The following ATAD3C variants were observed in gnomAD, a reference collection of about 807,000 sequenced individuals.
ATAD3C encodes ATPase family AAA domain-containing protein 3C.
ATAD3C carries 38 observed loss-of-function variants against 46.3 expected under a neutral mutation model. That is an observed-to-expected ratio of 0.82 (90% CI 0.63 to 1.08). ATAD3C has a LOEUF of 1.08. ATAD3C is among the 50% of genes least tolerant of loss of function. The pLI is 0.00. For missense variants in ATAD3C, 563 were observed against 572.7 expected (o/e 0.98, Z 0.17); for synonymous variants, 220 against 236.4 (o/e 0.93, Z 0.63).
chr1:1,451,470 C>T (rs2100471257), intron 1 of ATAD3C, among the ~76,000 whole-genome samples: 1 of 152,130 alleles, frequency 6.6e-6, no homozygotes, highest in Non-Finnish European at 1.5e-5. Flanking sequence ...CCTCAGCCTC[C>T]CAAGTCGCTG....
In ATAD3C at chr1:1,459,737, TTGTG is replaced by T. The variant is rs1481666282; in HGVS notation, c.812+509_812+512del. On this transcript the variant is annotated intron_variant, in intron 9 of 11. Coordinates refer to ENST00000378785, the MANE Select transcript of ATAD3C (RefSeq NM_001039211.3). This position sits in a 1 kb window ranked among gnomAD's most constrained non-coding sequence, Gnocchi z 4.9. ...CTCCAGGCTTGGGGCCCACCCGACT[TTGTG>T]TGGCCTCTGTGGGCTGCCGCCCAGA... Among the ~76,000 whole-genome samples the T allele has an allele frequency of 2.6e-5, 4 of 151,924 alleles. No individual in the cohort carries two copies. Among genetic ancestry groups the T allele is most frequent in the Non-Finnish European group, 2.9e-5 (2 of 67,954 alleles).
Position 1,450,255 on chromosome 1 carries a change from GTA to G in ATAD3C, c.-428_-427del, listed in dbSNP as rs1360714879. The G allele has an allele frequency of 6.2e-6, 1 of 161,204 alleles. No homozygotes were observed. Among genetic ancestry groups the G allele is most frequent in the Non-Finnish European group, 1.3e-5 (1 of 74,080 alleles). The allele number at this position is 161,204 out of a possible 1,614,324, so 10.0% of individuals were successfully genotyped here. ...CAGGAGAGTGACGTGAACCCGAGAG[GTA>G]GAGCTTGCAGTAAGCAGAGATCATG... On this transcript the variant is annotated 5_prime_UTR_variant, in exon 1 of 12. Transcript: ENST00000378785.
In ATAD3C at chr1:1,455,817, C is replaced by G; in HGVS notation, c.465C>G (p.Asp155Glu). ...LSPSLEARVRDIAIMTRNIKK... is the reference protein window; with the variant it reads ...LSPSLEARVREIAIMTRNIKK... ...CCAGCCTGGAAGCACGGGTGCGCGACATCGCCATAATGACAAGGAACATCA... is the reference window on the plus strand; with the variant it reads ...CCAGCCTGGAAGCACGGGTGCGCGAGATCGCCATAATGACAAGGAACATCA... The change falls in exon 6 of 12, where the codon GAC becomes GAG. Residue 155 changes from aspartate (D) to glutamate (E), a missense_variant. Coordinates refer to ENST00000378785, the MANE Select transcript of ATAD3C (RefSeq NM_001039211.3). 6.2e-7 allele frequency: 1 copy of G among 1,613,464 alleles called. No individual in the cohort carries two copies. The highest frequency in any genetic ancestry group is 2.2e-5 in the East Asian group (1 of 44,886).
At chr1:1,465,531 C>T (rs1451351851) in intron 11 of ATAD3C, among the ~76,000 whole-genome samples, 1 of 142,622 alleles carries the variant, frequency 7.0e-6, no homozygotes, top group Non-Finnish European at 1.5e-5. Context: ...GCGGAGCTTG[C>T]AGTGAGCCGA....
chr1:1,453,059 C>A (rs2100473452), intron 3 of ATAD3C, among the ~76,000 whole-genome samples: 1 of 152,166 alleles, frequency 6.6e-6, no homozygotes, highest in South Asian at 2.1e-4. Context: ...ACTTGCTCTG[C>A]CGTGGTGCCA....
At chr1:1,456,085 C>T (rs958724075) in intron 6 of ATAD3C, 140 bp from the exon 7 acceptor site, 38 of 1,414,718 alleles carry the variant, frequency 2.7e-5, no homozygotes, top group East Asian at 5.3e-5. Flanking sequence ...ATCTTCCAGG[C>T]GGGGGACGTC....
chr1:1,466,242 CAAA>C (rs1168198351), intron 11 of ATAD3C, among the ~76,000 whole-genome samples: 2 of 67,096 alleles, frequency 3.0e-5, no homozygotes, highest in Non-Finnish European at 3.3e-5. Flanking sequence ...ACTTCTGTCT[CAAA>C]AAAAAAAAAA....
rs544167958 is a variant in ATAD3C at position 1,455,738 on chromosome 1, G to A, written c.439-53G>A. 5.6e-5 allele frequency: 90 copies of A among 1,607,700 alleles called. 1 individual carries two copies. The Admixed American group carries it at 9.1e-4, about 16-fold the overall frequency. Reference sequence around the variant, plus strand: ...AGGCATTCTCGCAGCCCCTGCCCCCGAGGCTTCTGTGGGTGCAGACTGTGT... The same window carrying A: ...AGGCATTCTCGCAGCCCCTGCCCCCAAGGCTTCTGTGGGTGCAGACTGTGT... On this transcript the variant is annotated intron_variant, in intron 5 of 11. Coordinates refer to ENST00000378785, the MANE Select transcript of ATAD3C (RefSeq NM_001039211.3).
At chr1:1,451,594 C>T (rs554601974) in intron 1 of ATAD3C, among the ~76,000 whole-genome samples, 8 of 152,172 alleles carry the variant, frequency 5.3e-5, no homozygotes, top group African/African-American at 1.9e-4. Context: ...TGATCACCTG[C>T]GTCGGCCTCC....
rs142358585 is a variant in ATAD3C, at chr1:1,464,237, C to G, written c.1089+1529C>G. 3.3e-5 allele frequency among the ~76,000 whole-genome samples: 5 copies of G among 150,486 alleles called. No homozygotes were observed. In the East Asian group the frequency reaches 9.8e-4, roughly 29 times the overall value. ...AAAAAAAAAAGAACAGGAGTGTGGT[C>G]GACTGCTGGGCCTGCCATAACCACT... On this transcript the variant is annotated intron_variant, in intron 11 of 11. Coordinates refer to ENST00000378785, the MANE Select transcript of ATAD3C (RefSeq NM_001039211.3).
chr1:1,459,305 C>A lies in ATAD3C; in HGVS notation c.812+74C>A, dbSNP rs1274922225. 5 of 1,605,188 alleles carry A rather than the reference C, an allele frequency of 3.1e-6. No homozygotes were observed. Among genetic ancestry groups the A allele is most frequent in the Non-Finnish European group, 4.2e-6 (5 of 1,177,344 alleles). The stretch of plus-strand genomic sequence containing the variant: ...GTCACCCTTGGTTCCCACCGAGGGA[C>A]CTGAGGGGCCCTGGCTCACAGTGCT... On this transcript the variant is annotated intron_variant, in intron 9 of 11. Coordinates refer to ENST00000378785, the MANE Select transcript of ATAD3C (RefSeq NM_001039211.3). The surrounding 1 kb of genome is among the most constrained non-coding windows in gnomAD (Gnocchi z 4.9).
At position 1,468,459 on chromosome 1, in the gene ATAD3C, C is replaced by T; in HGVS notation, c.1165C>T (p.Gln389Ter). ...MDACVQDFVQ[Q>*]HQQMMRWLKG... ...CGCCTGCGTGCAAGACTTTGTCCAG[C>T]AGCACCAGCAGATGATGCGCTGGCT... is the stretch of plus-strand genomic sequence containing the variant. Residue 389 changes from glutamine to a stop codon, truncating the protein, a stop_gained, in exon 12 of 12, where the codon CAG (glutamine) becomes TAG (stop). Coordinates refer to ENST00000378785, the MANE Select transcript of ATAD3C (RefSeq NM_001039211.3). LOFTEE classifies it low-confidence loss of function (END_TRUNC). The T allele has an allele frequency of 6.2e-7, 1 of 1,612,882 alleles. No homozygotes were observed.
At position 1,455,811 on chromosome 1, in the gene ATAD3C, G is replaced by A. The variant is rs1371926933; in HGVS notation, c.459G>A (p.Val153=). The A allele has an allele frequency of 1.2e-6, 2 of 1,613,476 alleles. No individual in the cohort carries two copies. Among genetic ancestry groups the A allele is most frequent in the Non-Finnish European group, 1.7e-6 (2 of 1,179,704 alleles). ...GGCAGCCCAGCCTGGAAGCACGGGT[G>A]CGCGACATCGCCATAATGACAAGGA... is the stretch of plus-strand genomic sequence containing the variant. ...VVLSPSLEAR[V]RDIAIMTRNI... is the part of the protein sequence containing the mutation. Residue 153 remains valine, a synonymous_variant, in exon 6 of 12, where the codon GTG becomes GTA. Coordinates refer to ENST00000378785, the MANE Select transcript of ATAD3C (RefSeq NM_001039211.3).
chr1:1,457,458 T>A (rs1041158240), intron 8 of ATAD3C, among the ~76,000 whole-genome samples: 6 of 150,906 alleles, frequency 4.0e-5, no homozygotes, highest in Admixed American at 4.0e-4. Context: ...TAGCTGTGCG[T>A]GGTGGCGGGC....
rs375718540 is a variant in ATAD3C, at chr1:1,454,508, C to T, written c.378+8C>T. On this transcript the variant is annotated splice_region_variant and intron_variant, in intron 4 of 11. Coordinates refer to ENST00000378785, the MANE Select transcript of ATAD3C (RefSeq NM_001039211.3). Reference sequence around the variant, plus strand: ...CTGCGGCACCCCATCCAGGTAGCGGCGCAGGCCTGGCCCTCCCTGAGTGCA... The same window carrying T: ...CTGCGGCACCCCATCCAGGTAGCGGTGCAGGCCTGGCCCTCCCTGAGTGCA... 1.4e-5 allele frequency: 22 copies of T among 1,605,078 alleles called. No homozygotes were observed. Among genetic ancestry groups the T allele is most frequent in the South Asian group, 5.6e-5 (5 of 89,866 alleles).
chr1:1,468,311 T>A, intron 11 of ATAD3C, 73 bp from the exon 12 acceptor site: 1 of 1,538,706 alleles, frequency 6.5e-7, no homozygotes, highest in Non-Finnish European at 8.7e-7. Flanking sequence ...CCTCCCCACC[T>A]CAGGGCCCTG....
intron 4 of ATAD3C, among the ~76,000 whole-genome samples, chr1:1,455,011 C>T (rs1190721155): frequency 3.3e-5 from 5 of 151,202 alleles, no homozygotes; most frequent in South Asian, 2.1e-4. Flanking sequence ...GTCAGGACAT[C>T]GAGACCATCC....
intron 9 of ATAD3C, 90 bp from the exon 10 acceptor site, chr1:1,460,660 G>T: frequency 7.0e-7 from 1 of 1,435,900 alleles, no homozygotes; most frequent in Non-Finnish European, 9.2e-7. Context: ...CTCCCAGAAA[G>T]TCTTCCTGAG....
intron 11 of ATAD3C, among the ~76,000 whole-genome samples, chr1:1,466,275 C>T (rs536428561): frequency 1.1e-4 from 16 of 148,830 alleles, no homozygotes; most frequent in Admixed American, 4.0e-4. Flanking sequence ...TGGCTGGGCG[C>T]GGTGGCTCAC....
Sources: gnomAD v4.1 joint callset for allele counts (sites outside exome capture counted in the v4.1 genomes callset) on GRCh38, gnomAD v4.1.1 for gene constraint, Gnocchi (gnomAD v3.1) non-coding constraint, MANE v1.5 for transcripts, NCBI Gene and HGNC (gene_info 2026-07-23, HGNC 2026-07-21) for gene names.